DOCK4: variants seen among roughly 807,000 people sequenced by gnomAD.
DOCK4 encodes dedicator of cytokinesis protein 4.
DOCK4 carries 97 observed loss-of-function variants against 268.1 expected under a neutral mutation model. The observed-to-expected ratio is 0.36, with a 90% CI of 0.31 to 0.43. The LOEUF (loss-of-function observed/expected upper bound fraction) is 0.43. Ranked by LOEUF, DOCK4 falls within the 20% of genes least tolerant of loss-of-function variation. The pLI is 1.00. For synonymous variants in DOCK4, 954 were observed against 887.2 expected (o/e 1.08, Z -1.34); for missense variants, 2,145 against 2,455.7 (o/e 0.87, Z 2.67).
chr7:112,171,333 T>C (rs1818061476), intron 1 of DOCK4, among the ~76,000 whole-genome samples: 1 of 152,230 alleles, frequency 6.6e-6, no homozygotes, highest in African/African-American at 2.4e-5. Flanking sequence ...GGAAAAGCAA[T>C]ATTTATATGA....
chr7:111,969,678 G>GAA (rs57980511), intron 8 of DOCK4, among the ~76,000 whole-genome samples: 18,732 of 143,818 alleles, frequency 0.13, 1,231 homozygotes, highest in Middle Eastern at 0.2. Context: ...AGTTGAACCA[G>GAA]AAAAAAAAAA....
At chr7:112,035,881 A>T (rs1373775934) in intron 1 of DOCK4, among the ~76,000 whole-genome samples, 2 of 152,186 alleles carry the variant, frequency 1.3e-5, no homozygotes, top group African/African-American at 2.4e-5. Flanking sequence ...CATAATTTTT[A>T]AAAAATCGAG....
intron 1 of DOCK4, among the ~76,000 whole-genome samples, chr7:112,100,781 C>A (rs1810607377): frequency 6.6e-6 from 1 of 152,028 alleles, no homozygotes; most frequent in African/African-American, 2.4e-5. Flanking sequence ...TTACCAAAGG[C>A]AAAGATGAGG....
chr7:111,873,999 T>C (rs924701685), intron 17 of DOCK4, among the ~76,000 whole-genome samples: 3 of 152,196 alleles, frequency 2.0e-5, no homozygotes, highest in African/African-American at 7.2e-5. Flanking sequence ...CTTTTAAAAC[T>C]GATTGGTTAT....
chr7:111,986,993 G>C (rs1212937026), intron 6 of DOCK4, among the ~76,000 whole-genome samples: 1 of 152,136 alleles, frequency 6.6e-6, no homozygotes, highest in Non-Finnish European at 1.5e-5. Flanking sequence ...CTTTCCATGA[G>C]CACTATTCAA....
rs764401179 is a variant in DOCK4, at chr7:111,869,672, A to G, written c.2028-17T>C. 1 of 1,607,306 alleles carries G rather than the reference A, an allele frequency of 6.2e-7. No individual in the cohort carries two copies. The highest frequency in any genetic ancestry group is 1.1e-5 in the South Asian group (1 of 90,910). On this transcript the variant is annotated splice_polypyrimidine_tract_variant and intron_variant, in intron 20 of 52. Coordinates refer to ENST00000428084, the MANE Select transcript of DOCK4 (RefSeq NM_001363540.2). ...ATGAGATCTCTAAAATACAGGGGAA[A>G]ATGTGCAGAATGTAAAATTGGTCTA...
At chr7:111,732,107 T>A in intron 52 of DOCK4, 119 bp downstream of exon 52, 1 of 1,003,136 alleles carries the variant, frequency 1.0e-6, no homozygotes, top group Non-Finnish European at 1.5e-6. Context: ...TATCCCTGAT[T>A]GATAAGTTCT....
At chr7:111,860,098 C>T (rs1805380050) in intron 23 of DOCK4, among the ~76,000 whole-genome samples, 1 of 152,210 alleles carries the variant, frequency 6.6e-6, no homozygotes, top group African/African-American at 2.4e-5. Context: ...ATATCACGTC[C>T]TGTTCTCTGA....
chr7:111,975,996 T>A (rs1000755578), intron 8 of DOCK4, among the ~76,000 whole-genome samples: 2 of 149,970 alleles, frequency 1.3e-5, no homozygotes, highest in Non-Finnish European at 3.0e-5. Flanking sequence ...AAACCGCATC[T>A]CTACTAAAAA....
chr7:111,946,433 G>A (rs1242864736), intron 8 of DOCK4, among the ~76,000 whole-genome samples: 9 of 152,150 alleles, frequency 5.9e-5, no homozygotes, highest in Middle Eastern at 3.2e-3. Context: ...GAGGCTAGGC[G>A]TTTGAGGCCA....
At chr7:111,759,604 G>A (rs1797249855) in intron 40 of DOCK4, among the ~76,000 whole-genome samples, 1 of 152,046 alleles carries the variant, frequency 6.6e-6, no homozygotes, top group African/African-American at 2.4e-5. Flanking sequence ...AGAGTGCTGG[G>A]GTGAACTGCC....
At position 112,098,379 on chromosome 7, in the gene DOCK4, A is replaced by G. The variant is rs1329631335; in HGVS notation, c.38-94248T>C. On this transcript the variant is annotated intron_variant, in intron 1 of 52. Coordinates refer to ENST00000428084, the MANE Select transcript of DOCK4 (RefSeq NM_001363540.2). ...TTTTTAGTAGAGATGGGGTTTCACCATGTTGGTCAGGCTGGTCTCAAACTC... is the reference window on the plus strand; with the variant it reads ...TTTTTAGTAGAGATGGGGTTTCACCGTGTTGGTCAGGCTGGTCTCAAACTC... Among the ~76,000 whole-genome samples, 3 of 151,988 alleles carry G rather than the reference A, an allele frequency of 2.0e-5. No individual in the cohort carries two copies. The East Asian group carries it at 5.8e-4, about 29-fold the overall frequency.
intron 42 of DOCK4, among the ~76,000 whole-genome samples, chr7:111,748,813 A>C (rs1796446457): frequency 6.6e-6 from 1 of 152,168 alleles, no homozygotes; most frequent in South Asian, 2.1e-4. Context: ...AAATGTTCAT[A>C]ATCTCCAAAA....
At chr7:112,178,954 C>T (rs1375567541) in intron 1 of DOCK4, among the ~76,000 whole-genome samples, 11 of 152,150 alleles carry the variant, frequency 7.2e-5, no homozygotes, top group Non-Finnish European at 1.6e-4. Flanking sequence ...TCCTGAAAGA[C>T]AGCAACTTCA....
At chr7:112,127,596 T>C (rs886332406) in intron 1 of DOCK4, among the ~76,000 whole-genome samples, 3 of 152,014 alleles carry the variant, frequency 2.0e-5, no homozygotes, top group African/African-American at 7.2e-5. Context: ...TTGAAGAACA[T>C]TCATAGAATT....
chr7:112,170,873 TA>T (rs566523658), intron 1 of DOCK4, among the ~76,000 whole-genome samples: 10 of 151,978 alleles, frequency 6.6e-5, no homozygotes, highest in African/African-American at 2.2e-4. Flanking sequence ...CCATATATGA[TA>T]AAAAAAATTG....
At chr7:111,781,028 G>C (rs923279093) in intron 35 of DOCK4, among the ~76,000 whole-genome samples, 8 of 152,178 alleles carry the variant, frequency 5.3e-5, no homozygotes, top group African/African-American at 1.9e-4. Context: ...TTCCTACTGG[G>C]AGACTAGAGT....
At chr7:111,755,298 G>A (rs1796947105) in intron 42 of DOCK4, among the ~76,000 whole-genome samples, 1 of 152,104 alleles carries the variant, frequency 6.6e-6, no homozygotes, top group Admixed American at 6.6e-5. Context: ...AGCAAATTGA[G>A]TTGTTTTCAA....
intron 1 of DOCK4, among the ~76,000 whole-genome samples, chr7:112,196,082 G>A (rs79959311): frequency 0.12 from 18,810 of 152,166 alleles, 1,343 homozygotes; most frequent in South Asian, 0.18. Flanking sequence ...TCCAGATTTA[G>A]TTGCCTTCCC....
Sources: gnomAD v4.1 joint callset for allele counts (sites outside exome capture counted in the v4.1 genomes callset) on GRCh38, gnomAD v4.1.1 for gene constraint, MANE v1.5 for transcripts, NCBI Gene and HGNC (gene_info 2026-07-23, HGNC 2026-07-21) for gene names.